The following AGXT variants were observed in gnomAD, a reference collection of about 807,000 sequenced individuals.
The protein encoded by AGXT is L-alanine: glyoxylate aminotransferase 1.
A neutral mutation model predicts 46.9 loss-of-function variants in AGXT; 41 were observed. The ratio of observed to expected loss-of-function variants is 0.88; its 90% CI spans 0.68 to 1.14. The LOEUF (loss-of-function observed/expected upper bound fraction) is 1.14. Among genes scored for constraint, AGXT ranks in the 50% most tolerant of loss-of-function variants. The probability of loss-of-function intolerance (pLI) is 0.00; values close to 1 mark genes in which losing one functional copy is unlikely to be tolerated. For missense variants in AGXT, 525 were observed against 522.7 expected (o/e 1.00, Z -0.04); for synonymous variants, 244 against 227.9 (o/e 1.07, Z -0.64).
intron 4 of AGXT, among the ~76,000 whole-genome samples, chr2:240,872,695 C>G (rs1163138035): frequency 1.3e-5 from 2 of 152,064 alleles, no homozygotes; most frequent in Non-Finnish European, 2.9e-5. Context: ...CTCTTCAGCA[C>G]CACTGCCGGG....
rs1178999114 is a variant in AGXT at position 240,872,968 on chromosome 2, C to G, written c.525-11C>G. 1.2e-6 allele frequency: 2 copies of G among 1,613,526 alleles called. No homozygotes were observed. On this transcript the variant is annotated splice_polypyrimidine_tract_variant and intron_variant, in intron 4 of 10. Coordinates refer to ENST00000307503, the MANE Select transcript of AGXT (RefSeq NM_000030.3). ...ACCTGCTGCCCTCCATTCTGTCCCC[C>G]ACCTCTCCAGGTACAAGTGCCTGCT...
At chr2:240,874,259 C>T (rs1486105166) in intron 6 of AGXT, among the ~76,000 whole-genome samples, 197 bp downstream of exon 6, 1 of 152,156 alleles carries the variant, frequency 6.6e-6, no homozygotes, top group East Asian at 1.9e-4. Flanking sequence ...GAGGGGAGGG[C>T]TGCAGGCGTG....
At chr2:240,878,624 G>T (rs180945067) in intron 10 of AGXT, 90 bp from the exon 11 acceptor site, 13 of 1,271,578 alleles carry the variant, frequency 1.0e-5, no homozygotes, top group Non-Finnish European at 4.4e-6. Flanking sequence ...CCTCACTCAG[G>T]TGAGCCCATC....
chr2:240,875,073 G>C (rs1559570311), intron 6 of AGXT, 36 bp from the exon 7 acceptor site: 1 of 1,537,264 alleles, frequency 6.5e-7, no homozygotes, highest in East Asian at 2.2e-5. Flanking sequence ...AGCCCAAACT[G>C]AGAGGCTGGT....
rs769473982 is a variant in AGXT, at chr2:240,868,988, G to A, written c.123G>A (p.Gly41=). The change falls in exon 1 of 11, where the codon GGG becomes GGA. Residue 41 remains glycine, a synonymous_variant. Coordinates refer to ENST00000307503, the MANE Select transcript of AGXT (RefSeq NM_000030.3). ...TGCCTCCTCGCATCATGGCAGCCGG[G>A]GGGCTGCAGATGATCGGGTCCATGA... ...SNLPPRIMAA[G]GLQMIGSMSK... The A allele has an allele frequency of 3.2e-6, 5 of 1,539,452 alleles. No individual in the cohort carries two copies. The highest frequency in any genetic ancestry group is 4.4e-6 in the Non-Finnish European group (5 of 1,128,882).
rs4426527 is a variant in AGXT, at chr2:240,878,099, A to G, written c.1020A>G (p.Ile340Met). ...YDWRDIVSYV[I>M]DHFDIEIMGG... Reference sequence around the variant, plus strand: ...GGAGAGACATCGTCAGCTACGTCATAGACCACTTCGACATTGAGATCATGG... The same window carrying G: ...GGAGAGACATCGTCAGCTACGTCATGGACCACTTCGACATTGAGATCATGG... The change falls in exon 10 of 11, where the codon ATA (isoleucine) becomes ATG (methionine). Residue 340 changes from isoleucine to methionine, a missense_variant. By Grantham distance (10) the Ile-to-Met change is conservative. Coordinates refer to ENST00000307503, the MANE Select transcript of AGXT (RefSeq NM_000030.3). The G allele has an allele frequency of 0.19, 304,945 of 1,613,084 alleles. 30,860 individuals carry two copies. Among genetic ancestry groups the G allele is most frequent in the Non-Finnish European group, 0.21 (246,801 of 1,179,846 alleles).
chr2:240,874,464 G>A (rs957949210), intron 6 of AGXT, among the ~76,000 whole-genome samples: 63 of 152,222 alleles, frequency 4.1e-4, no homozygotes, highest in African/African-American at 1.5e-3. Flanking sequence ...CGCTCCTGGT[G>A]TCCAGATTCT....
Position 240,875,791 on chromosome 2 carries a change from G to GA in AGXT, c.777-142dup, listed in dbSNP as rs1360199253. 9.8e-6 allele frequency: 9 copies of GA among 917,214 alleles called. No homozygotes were observed. In the East Asian group the frequency reaches 2.4e-4, roughly 24 times the overall value. The allele number at this position is 917,214 out of a possible 1,614,324, so 56.8% of individuals were successfully genotyped here. ...AGCTGCCTTCCCGGTCCAAAGTTCT[G>GA]AACCCGGACAGGACTCCTCTGCGGA... On this transcript the variant is annotated intron_variant, in intron 7 of 10. Coordinates refer to ENST00000307503, the MANE Select transcript of AGXT (RefSeq NM_000030.3).
intron 6 of AGXT, 96 bp from the exon 7 acceptor site, chr2:240,875,013 C>T: frequency 8.5e-7 from 1 of 1,180,006 alleles, no homozygotes; most frequent in Non-Finnish European, 1.3e-6. Context: ...GGGCCCCACC[C>T]CGTCTCACTC....
Position 240,875,048 on chromosome 2 carries a change from A to T in AGXT, c.681-61A>T, listed in dbSNP as rs574768406. 1.8e-5 allele frequency: 26 copies of T among 1,427,972 alleles called. No homozygotes were observed. In the East Asian group the frequency reaches 5.5e-4, roughly 30 times the overall value. 88.5% of individuals were successfully genotyped at this position (1,427,972 alleles called of 1,614,324 possible). A position where few individuals can be genotyped will look rare whatever the true frequency, so the allele number is the denominator to read the frequency against. On this transcript the variant is annotated intron_variant, in intron 6 of 10. Coordinates refer to ENST00000307503, the MANE Select transcript of AGXT (RefSeq NM_000030.3). ...CCCGTGAAACAGGACAGCCAGCGAGACTGCCCTGGCCTTCAGCCCAAACTG... is the reference window on the plus strand; with the variant it reads ...CCCGTGAAACAGGACAGCCAGCGAGTCTGCCCTGGCCTTCAGCCCAAACTG...
chr2:240,878,835 A>G lies in AGXT; in HGVS notation c.*14A>G. On this transcript the variant is annotated 3_prime_UTR_variant, in exon 11 of 11. Coordinates refer to ENST00000307503, the MANE Select transcript of AGXT (RefSeq NM_000030.3). ...AAGAAGCTGTGACCTGCCCACTGGC[A>G]CACAGCTGGCACTGGCACACACCTG... 1.3e-6 allele frequency: 2 copies of G among 1,571,592 alleles called. No individual in the cohort carries two copies. The highest frequency in any genetic ancestry group is 1.7e-6 in the Non-Finnish European group (2 of 1,160,298).
At chr2:240,869,611 T>G (rs1484548228) in intron 2 of AGXT, among the ~76,000 whole-genome samples, 1 of 152,204 alleles carries the variant, frequency 6.6e-6, no homozygotes, top group Non-Finnish European at 1.5e-5. Flanking sequence ...GAGCTGTTTC[T>G]GGAGCATGTG....
intron 6 of AGXT, among the ~76,000 whole-genome samples, chr2:240,874,741 A>T (rs1257072495): frequency 6.6e-6 from 1 of 152,220 alleles, no homozygotes; most frequent in Admixed American, 6.5e-5. Flanking sequence ...GACACATTTA[A>T]AGTTTCAAGC....
intron 4 of AGXT, among the ~76,000 whole-genome samples, chr2:240,871,743 C>A (rs994099076): frequency 1.3e-5 from 2 of 152,200 alleles, no homozygotes; most frequent in African/African-American, 4.8e-5. Flanking sequence ...CTTGCCAGGG[C>A]CTGTCCCCAC....
intron 4 of AGXT, among the ~76,000 whole-genome samples, chr2:240,871,958 G>T (rs901016853): frequency 5.9e-5 from 9 of 152,228 alleles, no homozygotes; most frequent in Admixed American, 1.3e-4. Context: ...GAAACTCCAC[G>T]GCCAGGGAGG....
intron 7 of AGXT, among the ~76,000 whole-genome samples, 188 bp from the exon 8 acceptor site, chr2:240,875,747 T>C (rs371591528): frequency 4.6e-5 from 7 of 152,222 alleles, no homozygotes; most frequent in African/African-American, 1.7e-4. Context: ...ACACAAGCCA[T>C]GCTCTCCCTG....
At chr2:240,876,055 C>A (rs762539201) in intron 8 of AGXT, 51 bp downstream of exon 8, 2 of 1,593,186 alleles carry the variant, frequency 1.3e-6, no homozygotes, top group African/African-American at 1.3e-5. Flanking sequence ...GCTGGATTGT[C>A]GAGGGCGCGG....
rs762268242 is a variant in AGXT, at chr2:240,877,641, G to GC, written c.942+13dup. 5.2e-6 allele frequency: 8 copies of GC among 1,550,476 alleles called. No individual in the cohort carries two copies. The South Asian group carries it at 9.5e-5, about 18-fold the overall frequency. ...TCTTCGTGAAGGACCCGGTAAGGAG[G>GC]CCCCTGGCATTGGGCAGCCCTGCAC... On this transcript the variant is annotated intron_variant, in intron 9 of 10. Coordinates refer to ENST00000307503, the MANE Select transcript of AGXT (RefSeq NM_000030.3).
chr2:240,878,763 A>G lies in AGXT; in HGVS notation c.1121A>G (p.Asp374Gly). Residue 374 changes from aspartate to glycine, a missense_variant, in exon 11 of 11, where the codon GAC (aspartate) becomes GGC (glycine). Physicochemically the swap from Asp to Gly is moderately conservative, Grantham distance 94. Transcript: ENST00000307503. Reference sequence around the variant, plus strand: ...TGCAATGCCACCCGCGAGAATGTGGACCGCGTGACGGAGGCCCTGAGGGCG... The same window carrying G: ...TGCAATGCCACCCGCGAGAATGTGGGCCGCGTGACGGAGGCCCTGAGGGCG... ...LGCNATRENV[D>G]RVTEALRAAL... 6.3e-7 allele frequency: 1 copy of G among 1,592,038 alleles called. No homozygotes were observed. The highest frequency in any genetic ancestry group is 8.5e-7 in the Non-Finnish European group (1 of 1,172,840).
Sources: gnomAD v4.1 joint callset for allele counts (sites outside exome capture counted in the v4.1 genomes callset) on GRCh38, gnomAD v4.1.1 for gene constraint, MANE v1.5 for transcripts, NCBI Gene and HGNC (gene_info 2026-07-23, HGNC 2026-07-21) for gene names.